GRID2IP: variants seen among roughly 807,000 people sequenced by gnomAD.
GRID2IP encodes the protein delphilin.
In GRID2IP, 78 loss-of-function variants were observed where a neutral mutation model predicts 114.3. That is an observed-to-expected ratio of 0.68 (90% confidence interval 0.57 to 0.82). The LOEUF (loss-of-function observed/expected upper bound fraction) is 0.82. Ranked by LOEUF, GRID2IP falls within the 40% of genes least tolerant of loss-of-function variation. The pLI is 0.00. For missense variants in GRID2IP, 1,727 were observed against 1,678.5 expected (o/e 1.03, Z -0.51); for synonymous variants, 809 against 724.0 (o/e 1.12, Z -1.89).
intron 2 of GRID2IP, 21 bp downstream of exon 2, chr7:6,539,697 C>G: frequency 6.5e-7 from 1 of 1,537,016 alleles, no homozygotes. Context: ...GCCTGTCTAT[C>G]CTGCCCCCTG....
At chr7:6,518,978 G>T (rs1779363870) in intron 7 of GRID2IP, among the ~76,000 whole-genome samples, 1 of 152,018 alleles carries the variant, frequency 6.6e-6, no homozygotes, top group Admixed American at 6.6e-5. Context: ...GAGAGCAGTG[G>T]TGTGATCTTG....
At chr7:6,498,276 G>A (rs1370146733) in intron 20 of GRID2IP, 48 bp from the exon 21 acceptor site, 16 of 1,485,644 alleles carry the variant, frequency 1.1e-5, no homozygotes, top group Non-Finnish European at 1.3e-5. Context: ...GTGCCCCCAG[G>A]GTCTCAGGTG....
chr7:6,541,035 AG>A (rs1192421052), intron 1 of GRID2IP, among the ~76,000 whole-genome samples: 1 of 151,838 alleles, frequency 6.6e-6, no homozygotes, highest in Non-Finnish European at 1.5e-5. Context: ...ATCTACTTAA[AG>A]AGAACTGGCT....
chr7:6,529,225 C>T (rs1020036687), intron 2 of GRID2IP, among the ~76,000 whole-genome samples: 1 of 152,132 alleles, frequency 6.6e-6, no homozygotes, highest in African/African-American at 2.4e-5. Context: ...CCGAGGCAGG[C>T]AGATTACCTG....
intron 20 of GRID2IP, among the ~76,000 whole-genome samples, chr7:6,500,343 A>G (rs1786377278): frequency 6.6e-6 from 1 of 152,112 alleles, no homozygotes; most frequent in Non-Finnish European, 1.5e-5. Context: ...GGGCACCTGT[A>G]ATCCCAGCTA....
Position 6,510,903 on chromosome 7 carries a change from C to A in GRID2IP, c.1555+5G>T, listed in dbSNP as rs1046184033. Reference sequence around the variant, plus strand: ...TTCATACCCTCCCCCTGACACCAGCCTTACCGCAGCTGAGGCCGGCCTCCA... The same window carrying A: ...TTCATACCCTCCCCCTGACACCAGCATTACCGCAGCTGAGGCCGGCCTCCA... On this transcript the variant is annotated splice_donor_5th_base_variant and intron_variant, in intron 9 of 21. Coordinates refer to ENST00000457091, the MANE Select transcript of GRID2IP (RefSeq NM_001145118.2). The A allele has an allele frequency of 4.5e-6, 7 of 1,549,966 alleles. No homozygotes were observed. The African/African-American group carries it at 9.6e-5, about 21-fold the overall frequency.
chr7:6,505,887 G>C lies in GRID2IP; in HGVS notation c.2565C>G (p.Tyr855Ter), dbSNP rs1397817518. The C allele has an allele frequency of 6.4e-7, 1 of 1,551,866 alleles. No homozygotes were observed. The highest frequency in any genetic ancestry group is 8.7e-7 in the Non-Finnish European group (1 of 1,146,844). The change falls in exon 14 of 22, where the codon TAC becomes TAG. Residue 855 changes from tyrosine (Y) to a stop codon, truncating the protein, a stop_gained. Coordinates refer to ENST00000457091, the MANE Select transcript of GRID2IP (RefSeq NM_001145118.2). LOFTEE classifies it high-confidence loss of function. ...IWGQLGEDSD[Y>*]DKLSDMVKYL... ...ATTTCACCATGTCACTCAGCTTATC[G>C]TAGTCAGAGTCTTCCCCGAGCTGCG...
chr7:6,541,581 A>G (rs943979980), intron 1 of GRID2IP, among the ~76,000 whole-genome samples: 2 of 152,234 alleles, frequency 1.3e-5, no homozygotes, highest in Non-Finnish European at 2.9e-5. Flanking sequence ...TGAGCGTGCA[A>G]ATGGACACGT....
chr7:6,508,489 T>G lies in GRID2IP; in HGVS notation c.2128-88A>C. 6.5e-7 allele frequency: 1 copy of G among 1,532,520 alleles called. No homozygotes were observed. Among genetic ancestry groups the G allele is most frequent in the Non-Finnish European group, 8.8e-7 (1 of 1,139,294 alleles). 94.9% of individuals were successfully genotyped at this position (1,532,520 alleles called of 1,614,324 possible). ...CAAAGTGAAGGATCATGGGATAGCC[T>G]GGGACAAGGACAGGGCCATCTCACG... On this transcript the variant is annotated intron_variant, in intron 12 of 21. Coordinates refer to ENST00000457091, the MANE Select transcript of GRID2IP (RefSeq NM_001145118.2). The surrounding 1 kb of genome is among the most constrained non-coding windows in gnomAD (Gnocchi z 5.6).
At chr7:6,531,318 C>G (rs1291845446) in intron 2 of GRID2IP, 2 of 391,598 alleles carry the variant, frequency 5.1e-6, no homozygotes, top group Non-Finnish European at 9.0e-6. Context: ...CCCTTTTGGT[C>G]GCTCTGGGGT....
In GRID2IP at chr7:6,501,838, C is replaced by T; in HGVS notation, c.3342G>A (p.Gln1114=). The change falls in exon 20 of 22, where the codon CAG becomes CAA. Residue 1114 remains glutamine (Q), a synonymous_variant. Transcript: ENST00000457091. ...ADLHGTISEI[Q]DACQSISPSS... is the part of the protein sequence containing the mutation. ...AGGGGGAAATGCTCTGGCAGGCATC[C>T]TGTATCTCGCTGATAGTGCCATGGA... 1 of 1,551,568 alleles carries T rather than the reference C, an allele frequency of 6.4e-7. No individual in the cohort carries two copies. The highest frequency in any genetic ancestry group is 1.2e-5 in the South Asian group (1 of 84,066).
Position 6,498,160 on chromosome 7 carries a change from C to T in GRID2IP, c.3468G>A (p.Glu1156=). 6.4e-7 allele frequency: 1 copy of T among 1,551,520 alleles called. No individual in the cohort carries two copies. The highest frequency in any genetic ancestry group is 8.7e-7 in the Non-Finnish European group (1 of 1,146,922). The change falls in exon 21 of 22, where the codon GAG becomes GAA. Residue 1156 remains glutamate, a synonymous_variant. Coordinates refer to ENST00000457091, the MANE Select transcript of GRID2IP (RefSeq NM_001145118.2). ...CAAAGAAGGCCAGCGCCTTGCCCAGCTCCTCCATGGCCTCGCGCTGCAGCC... is the reference window on the plus strand; with the variant it reads ...CAAAGAAGGCCAGCGCCTTGCCCAGTTCCTCCATGGCCTCGCGCTGCAGCC... ...LDGLQREAME[E]LGKALAFFGE...
rs1175989794 is a variant in GRID2IP, at chr7:6,521,209, G to T, written c.1084+220C>A. Among the ~76,000 whole-genome samples the T allele has an allele frequency of 6.6e-6, 1 of 152,096 alleles. No homozygotes were observed. Among genetic ancestry groups the T allele is most frequent in the Middle Eastern group, 3.2e-3 (1 of 316 alleles). On this transcript the variant is annotated intron_variant, in intron 6 of 21. Transcript: ENST00000457091. This position sits in a 1 kb window ranked among gnomAD's most constrained non-coding sequence, Gnocchi z 4.1. ...TGGTCTCAAACTCCTGGCCTCAAGC[G>T]ATCCTCCCACCTTGGCCTCCCAAAG...
At chr7:6,515,932 A>C (rs926096605) in intron 7 of GRID2IP, among the ~76,000 whole-genome samples, 6 of 151,156 alleles carry the variant, frequency 4.0e-5, no homozygotes, top group Non-Finnish European at 7.4e-5. Flanking sequence ...CCCCCTCTCT[A>C]CTAAAAATAC....
Position 6,519,456 on chromosome 7 carries a change from T to A in GRID2IP, c.1268+1122A>T, listed in dbSNP as rs913561475. On this transcript the variant is annotated intron_variant, in intron 7 of 21. Transcript: ENST00000457091. The surrounding 1 kb of genome is among the most constrained non-coding windows in gnomAD (Gnocchi z 4.1). Reference sequence around the variant, plus strand: ...CATAGTGAGACCTCCCCATCTTTTTTAAAAAACAAAACCAAACCAGGCCAG... The same window carrying A: ...CATAGTGAGACCTCCCCATCTTTTTAAAAAAACAAAACCAAACCAGGCCAG... Among the ~76,000 whole-genome samples, 2 of 152,026 alleles carry A rather than the reference T, an allele frequency of 1.3e-5. No individual in the cohort carries two copies. The highest frequency in any genetic ancestry group is 3.4e-3 in the Middle Eastern group (1 of 294).
Position 6,506,700 on chromosome 7 carries a change from T to TTTTTTA in GRID2IP, c.2545-794_2545-793insTAAAAA, listed in dbSNP as rs1554274707. On this transcript the variant is annotated intron_variant, in intron 13 of 21. Transcript: ENST00000457091. The surrounding 1 kb of genome is among the most constrained non-coding windows in gnomAD (Gnocchi z 5.2). ...TGAGGTATTTTTTTTTTTTTTTTTT[T>TTTTTTA]AGATAGGGTCTCACTCTGTACCCCA... is the stretch of plus-strand genomic sequence containing the variant. 6.8e-6 allele frequency among the ~76,000 whole-genome samples: 1 copy of TTTTTTA among 147,470 alleles called. No individual in the cohort carries two copies. Among genetic ancestry groups the TTTTTTA allele is most frequent in the Admixed American group, 6.7e-5 (1 of 14,828 alleles).
At chr7:6,525,630 T>C (rs982060594) in intron 4 of GRID2IP, among the ~76,000 whole-genome samples, 1 of 152,004 alleles carries the variant, frequency 6.6e-6, no homozygotes, top group African/African-American at 2.4e-5. Context: ...CGAGACACTA[T>C]CTCATTAAAA....
chr7:6,513,205 G>GT (rs1488608601), intron 8 of GRID2IP, among the ~76,000 whole-genome samples: 2 of 151,924 alleles, frequency 1.3e-5, no homozygotes, highest in Non-Finnish European at 2.9e-5. Flanking sequence ...GTGTTGGCAT[G>GT]TCTGGCAACC....
intron 14 of GRID2IP, 76 bp downstream of exon 14, chr7:6,505,744 C>G: frequency 1.1e-6 from 1 of 914,738 alleles, no homozygotes; most frequent in Non-Finnish European, 1.8e-6. Flanking sequence ...CAGTGCAGCC[C>G]TGGGAGATGC....
Sources: gnomAD v4.1 joint callset for allele counts (sites outside exome capture counted in the v4.1 genomes callset) on GRCh38, gnomAD v4.1.1 for gene constraint, Gnocchi (gnomAD v3.1) non-coding constraint, MANE v1.5 for transcripts, NCBI Gene and HGNC (gene_info 2026-07-23, HGNC 2026-07-21) for gene names.